Variants in MICU2 observed in about 807,000 individuals in gnomAD.
MICU2 encodes mitochondrial calcium uptake 2.
Under a neutral mutation model 60.4 loss-of-function variants are expected in MICU2, and 64 were observed. The ratio of observed to expected loss-of-function variants is 1.06; its 90% CI spans 0.87 to 1.31. The LOEUF (loss-of-function observed/expected upper bound fraction) is 1.31, where lower values mean the gene tolerates loss of function less well. Ranked by LOEUF, MICU2 falls within the 50% of genes most tolerant of loss-of-function variation. MICU2 has a pLI of 0.00. For synonymous variants in MICU2, 201 were observed against 175.0 expected, an observed-to-expected ratio of 1.15 and a Z score of -1.17; for missense variants, 569 against 531.0, an observed-to-expected ratio of 1.07 and a Z score of -0.70.
At chr13:21,566,156 C>A (rs981752166) in intron 2 of MICU2, among the ~76,000 whole-genome samples, 1 of 152,160 alleles carries the variant, frequency 6.6e-6, no homozygotes, top group Non-Finnish European at 1.5e-5. Context: ...CTATACTACT[C>A]TGACTGCTCA....
chr13:21,512,258 A>C (rs1566142642), intron 7 of MICU2, among the ~76,000 whole-genome samples: 1 of 152,166 alleles, frequency 6.6e-6, no homozygotes, highest in Non-Finnish European at 1.5e-5. Context: ...TCTTTGGAGA[A>C]ATATTAAAAG....
rs560539443 is a variant in MICU2 at position 21,536,351 on chromosome 13, T to G, written c.466+2951A>C. Among the ~76,000 whole-genome samples the G allele has an allele frequency of 1.7e-3, 257 of 152,198 alleles. 3 individuals are homozygous for G. The highest frequency in any genetic ancestry group is 6.0e-3 in the African/African-American group (249 of 41,530). On this transcript the variant is annotated intron_variant, in intron 4 of 11. Transcript: ENST00000382374. Reference sequence around the variant, plus strand: ...ATTTAAAACTAAATTTTTTTTTTTTTGAGACACGGTCTTGCTCTGTTGCCC... The same window carrying G: ...ATTTAAAACTAAATTTTTTTTTTTTGGAGACACGGTCTTGCTCTGTTGCCC...
At chr13:21,522,572 T>C in intron 5 of MICU2, 31 bp downstream of exon 5, 1 of 1,545,766 alleles carries the variant, frequency 6.5e-7, no homozygotes, top group African/African-American at 1.4e-5. Context: ...GAATTCCACA[T>C]GATCTCTGAG....
At chr13:21,534,311 C>T (rs949797905) in intron 4 of MICU2, among the ~76,000 whole-genome samples, 4 of 151,502 alleles carry the variant, frequency 2.6e-5, no homozygotes, top group African/African-American at 9.7e-5. Context: ...TCAAGTGATT[C>T]TCTCCCACCT....
rs866075330 is a variant in MICU2, at chr13:21,510,038, C to T, written c.727G>A (p.Gly243Arg). 2 of 1,542,214 alleles carry T rather than the reference C, an allele frequency of 1.3e-6. No homozygotes were observed. The highest frequency in any genetic ancestry group is 4.9e-5 in the East Asian group (2 of 40,414). Residue 243 changes from glycine (G) to arginine (R), a missense_variant, in exon 8 of 12, where the codon GGA becomes AGA. Gly to Arg is a moderately radical substitution (Grantham distance 125). Transcript: ENST00000382374. ...TCTTTATAATGAAGTTTTCTTTGTCCTCTTTTTCCAAAGAAACGCATCTGA... is the reference window on the plus strand; with the variant it reads ...TCTTTATAATGAAGTTTTCTTTGTCTTCTTTTTCCAAAGAAACGCATCTGA... ...TLQMRFFGKR[G>R]QRKLHYKEFR...
At chr13:21,507,653 G>C (rs1886321776) in intron 8 of MICU2, among the ~76,000 whole-genome samples, 1 of 151,186 alleles carries the variant, frequency 6.6e-6, no homozygotes, top group Admixed American at 6.6e-5. Flanking sequence ...GCCCAGGCTG[G>C]AGTGCAGTGG....
chr13:21,538,400 G>A (rs9509785), intron 4 of MICU2, among the ~76,000 whole-genome samples: 19,003 of 151,380 alleles, frequency 0.13, 1,281 homozygotes, highest in Middle Eastern at 0.17. Context: ...TGAGACTCCC[G>A]TCTATACTAA....
Position 21,492,963 on chromosome 13 carries a change from T to TA in MICU2, c.*285dup. On this transcript the variant is annotated 3_prime_UTR_variant, in exon 12 of 12. Coordinates refer to ENST00000382374, the MANE Select transcript of MICU2 (RefSeq NM_152726.3). The stretch of plus-strand genomic sequence containing the variant: ...TATCCTTCCAGAAAGCATATCATAT[T>TA]AGAGTGTCTAAGAAATCAGTGAATC... 4.6e-6 allele frequency: 1 copy of TA among 216,976 alleles called. No individual in the cohort carries two copies. The highest frequency in any genetic ancestry group is 1.7e-3 in the Middle Eastern group (1 of 574). 13.4% of individuals were successfully genotyped at this position (216,976 alleles called of 1,614,324 possible). A position where few individuals can be genotyped will look rare whatever the true frequency, so the allele number is the denominator to read the frequency against.
chr13:21,502,373 T>G (rs1348385323), intron 9 of MICU2, among the ~76,000 whole-genome samples: 1 of 152,176 alleles, frequency 6.6e-6, no homozygotes, highest in African/African-American at 2.4e-5. Context: ...GAATAATTAT[T>G]AATAGCTTGG....
At chr13:21,551,995 T>C (rs569005612) in intron 2 of MICU2, among the ~76,000 whole-genome samples, 4,456 of 152,206 alleles carry the variant, frequency 0.029, 91 homozygotes, top group African/African-American at 0.039. Context: ...TCTAGATCCC[T>C]GAGGAATCGC....
chr13:21,525,582 G>C (rs954220677), intron 4 of MICU2, among the ~76,000 whole-genome samples: 1 of 151,546 alleles, frequency 6.6e-6, no homozygotes, highest in Non-Finnish European at 1.5e-5. Context: ...CATCCTCAAC[G>C]CTTGTATTTT....
At chr13:21,525,797 C>T (rs1316599552) in intron 4 of MICU2, among the ~76,000 whole-genome samples, 1 of 151,822 alleles carries the variant, frequency 6.6e-6, no homozygotes, top group Non-Finnish European at 1.5e-5. Flanking sequence ...GTTATTATCC[C>T]TTATTATATA....
intron 2 of MICU2, among the ~76,000 whole-genome samples, chr13:21,548,625 G>A (rs774389315): frequency 2.3e-4 from 35 of 152,290 alleles, no homozygotes; most frequent in Non-Finnish European, 4.0e-4. Flanking sequence ...AGGTTACAAC[G>A]GGGCTAGTGA....
intron 4 of MICU2, among the ~76,000 whole-genome samples, chr13:21,526,393 T>C (rs1461804113): frequency 6.6e-6 from 1 of 152,170 alleles, no homozygotes; most frequent in Non-Finnish European, 1.5e-5. Context: ...GATGACTGTA[T>C]GTCCTTGGTA....
chr13:21,538,148 G>A (rs1454605923), intron 4 of MICU2, among the ~76,000 whole-genome samples: 1 of 151,892 alleles, frequency 6.6e-6, no homozygotes, highest in Non-Finnish European at 1.5e-5. Flanking sequence ...AGAGGTCTGC[G>A]TTTACTTTTC....
At chr13:21,514,469 AAAC>A (rs773647224) in intron 6 of MICU2, 51 bp from the exon 7 acceptor site, 57 of 1,337,440 alleles carry the variant, frequency 4.3e-5, no homozygotes, top group Non-Finnish European at 5.8e-5. Context: ...AGATTTTTCA[AAAC>A]AACCTAAAAA....
chr13:21,546,743 G>A (rs1222227565), intron 2 of MICU2, among the ~76,000 whole-genome samples: 2 of 152,094 alleles, frequency 1.3e-5, no homozygotes, highest in Non-Finnish European at 2.9e-5. Context: ...TGTAGGGGAA[G>A]GTGTTAAGGA....
chr13:21,580,552 C>T (rs1422655431), intron 1 of MICU2, among the ~76,000 whole-genome samples: 1 of 130,260 alleles, frequency 7.7e-6, no homozygotes, highest in African/African-American at 2.6e-5. Flanking sequence ...TCCAGGCAAC[C>T]TAAATCTCCA....
At chr13:21,501,551 T>C (rs543642424) in intron 9 of MICU2, among the ~76,000 whole-genome samples, 1 of 152,346 alleles carries the variant, frequency 6.6e-6, no homozygotes, top group African/African-American at 2.4e-5. Context: ...CGTGATCATA[T>C]AAAGTTTTAT....
Sources: gnomAD v4.1 joint callset for allele counts (sites outside exome capture counted in the v4.1 genomes callset) on GRCh38, gnomAD v4.1.1 for gene constraint, MANE v1.5 for transcripts, NCBI Gene and HGNC (gene_info 2026-07-23, HGNC 2026-07-21) for gene names.